PPARGC1A: variants seen among roughly 807,000 people sequenced by gnomAD.
PPARGC1A encodes the protein peroxisome proliferator-activated receptor gamma coactivator 1-alpha.
Under a neutral mutation model 88.7 loss-of-function variants are expected in PPARGC1A, and 25 were observed. The observed-to-expected ratio is 0.28, with a 90% CI of 0.21 to 0.39. The LOEUF (loss-of-function observed/expected upper bound fraction) is 0.39, where lower values mean the gene tolerates loss of function less well. PPARGC1A is among the 10% of genes least tolerant of loss of function. PPARGC1A has a pLI of 1.00. For missense variants in PPARGC1A, 880 were observed against 968.7 expected, an observed-to-expected ratio of 0.91 and a Z score of 1.22; for synonymous variants, 363 against 355.6, an observed-to-expected ratio of 1.02 and a Z score of -0.24.
chr4:23,828,464 G>A lies in PPARGC1A; in HGVS notation c.693C>T (p.Ser231=). The change falls in exon 5 of 13, where the codon AGC becomes AGT. Residue 231 remains serine, a synonymous_variant. Coordinates refer to ENST00000264867, the MANE Select transcript of PPARGC1A (RefSeq NM_013261.5). ...TTTTGGAGGTGCATTTGTCTCTGCT[G>A]CTGTTTCTGTTCTCTGTGGGTTTGG... ...PHTKPTENRN[S]SRDKCTSKKK... is the part of the protein sequence containing the mutation. 1 of 1,614,088 alleles carries A rather than the reference G, an allele frequency of 6.2e-7. No homozygotes were observed. The highest frequency in any genetic ancestry group is 8.5e-7 in the Non-Finnish European group (1 of 1,179,968).
chr4:23,937,020 G>C, the PPARGC1A span, among the ~76,000 whole-genome samples: 4 of 151,968 alleles, frequency 2.6e-5, no homozygotes, highest in Admixed American at 6.6e-5. Context: ...ACTTCTGTGC[G>C]AAGTCACGAA....
the PPARGC1A span, among the ~76,000 whole-genome samples, chr4:24,225,242 A>G: frequency 6.1e-3 from 928 of 152,268 alleles, 23 homozygotes; most frequent in East Asian, 0.088. Flanking sequence ...CCTAGCTAAC[A>G]GGCTTGGACC....
At chr4:23,876,197 T>C (rs1400254446) in intron 2 of PPARGC1A, among the ~76,000 whole-genome samples, 2 of 152,218 alleles carry the variant, frequency 1.3e-5, no homozygotes, top group Admixed American at 1.3e-4. Context: ...TTAATCTTTT[T>C]AGTAAAAGCT....
At chr4:24,275,079 A>G in the PPARGC1A span, among the ~76,000 whole-genome samples, 1 of 152,246 alleles carries the variant, frequency 6.6e-6, no homozygotes, top group African/African-American at 2.4e-5. Context: ...CTTAGCCCTC[A>G]CACGGGAAGT....
chr4:24,436,749 G>C, the PPARGC1A span, among the ~76,000 whole-genome samples: 6 of 125,868 alleles, frequency 4.8e-5, no homozygotes, highest in Admixed American at 7.9e-5. Flanking sequence ...CCGGGTCACA[G>C]AGCTGACATC....
the PPARGC1A span, among the ~76,000 whole-genome samples, chr4:24,009,150 A>AAAAG: frequency 0.23 from 18,217 of 80,150 alleles, 2,493 homozygotes; most frequent in East Asian, 0.44. Flanking sequence ...AAAAAAAAAA[A>AAAAG]AGAGAGAGAA....
At chr4:24,041,953 C>A in the PPARGC1A span, among the ~76,000 whole-genome samples, 1 of 151,678 alleles carries the variant, frequency 6.6e-6, no homozygotes, top group South Asian at 2.1e-4. Flanking sequence ...TCTGAATAAT[C>A]AACCTAAAAA....
chr4:24,101,952 T>A, the PPARGC1A span, among the ~76,000 whole-genome samples: 3 of 152,150 alleles, frequency 2.0e-5, no homozygotes, highest in African/African-American at 7.2e-5. Context: ...GAAAAACACA[T>A]CCACGCCCTC....
At chr4:23,890,293 C>T, upstream of PPARGC1A, 1 of 253,142 alleles carries the variant, frequency 4.0e-6, no homozygotes, top group Non-Finnish European at 7.1e-6. Context: ...CTTCAAGCAT[C>T]ATGCTGTGAT....
chr4:24,108,082 T>C, the PPARGC1A span, among the ~76,000 whole-genome samples: 1 of 152,210 alleles, frequency 6.6e-6, no homozygotes, highest in African/African-American at 2.4e-5. Context: ...AATTTGAGGA[T>C]GCACAGCCTC....
At chr4:24,336,919 T>A in the PPARGC1A span, among the ~76,000 whole-genome samples, 1 of 152,056 alleles carries the variant, frequency 6.6e-6, no homozygotes, top group Non-Finnish European at 1.5e-5. Flanking sequence ...AAATTTAATT[T>A]AAAATAATAA....
At chr4:24,143,268 G>T in the PPARGC1A span, among the ~76,000 whole-genome samples, 1 of 152,162 alleles carries the variant, frequency 6.6e-6, no homozygotes, top group Non-Finnish European at 1.5e-5. Flanking sequence ...ATGTCATGGT[G>T]TAGGGACAGA....
chr4:24,204,906 C>A, the PPARGC1A span, among the ~76,000 whole-genome samples: 1 of 152,268 alleles, frequency 6.6e-6, no homozygotes, highest in South Asian at 2.1e-4. Context: ...TCACCGCAAC[C>A]TCTACCTCAC....
the PPARGC1A span, among the ~76,000 whole-genome samples, chr4:23,912,191 G>A: frequency 6.6e-6 from 1 of 152,286 alleles, no homozygotes; most frequent in Non-Finnish European, 1.5e-5. Context: ...ATTTTCAAGA[G>A]CAGGTTCTAG....
the PPARGC1A span, among the ~76,000 whole-genome samples, chr4:24,191,043 C>A: frequency 6.6e-6 from 1 of 152,218 alleles, no homozygotes; most frequent in Non-Finnish European, 1.5e-5. Context: ...ATGAAGAAAG[C>A]AGCAGCCCCT....
At chr4:24,325,899 C>T in the PPARGC1A span, among the ~76,000 whole-genome samples, 1 of 151,818 alleles carries the variant, frequency 6.6e-6, no homozygotes, top group Non-Finnish European at 1.5e-5. Flanking sequence ...ACTCTGGTGG[C>T]ACCAACTTAG....
the PPARGC1A span, among the ~76,000 whole-genome samples, chr4:23,999,850 A>G: frequency 6.6e-6 from 1 of 152,112 alleles, no homozygotes; most frequent in Non-Finnish European, 1.5e-5. Flanking sequence ...TGGAATGAGG[A>G]CAGTTGGTGA....
At chr4:24,192,809 A>G in the PPARGC1A span, among the ~76,000 whole-genome samples, 1 of 152,242 alleles carries the variant, frequency 6.6e-6, no homozygotes, top group Non-Finnish European at 1.5e-5. Context: ...TGAAATAATT[A>G]TAGCTACACT....
At chr4:24,138,683 G>C in the PPARGC1A span, among the ~76,000 whole-genome samples, 332 of 152,234 alleles carry the variant, frequency 2.2e-3, 2 homozygotes, top group African/African-American at 7.5e-3. Context: ...GAGGAGAACT[G>C]TCTGTCTCTC....
Sources: allele counts gnomAD v4.1 joint callset (sites outside exome capture counted in the v4.1 genomes callset), GRCh38; gene constraint gnomAD v4.1.1; transcripts MANE v1.5; gene names NCBI Gene and HGNC (gene_info 2026-07-23, HGNC 2026-07-21).